The following CPQ variants were observed in gnomAD, a reference collection of about 807,000 sequenced individuals.
CPQ encodes the protein carboxypeptidase Q.
CPQ carries 37 observed loss-of-function variants against 45.7 expected under a neutral mutation model. The observed-to-expected ratio is 0.81, with a 90% confidence interval of 0.62 to 1.07. CPQ has a LOEUF of 1.07. Among genes scored for constraint, CPQ ranks in the 50% least tolerant of loss-of-function variants. CPQ has a pLI of 0.00. For synonymous variants in CPQ, 186 were observed against 205.8 expected (o/e 0.90, Z 0.82); for missense variants, 537 against 572.9 (o/e 0.94, Z 0.64).
At chr8:96,779,298 C>CT (rs1301724149) in intron 1 of CPQ, among the ~76,000 whole-genome samples, 2 of 151,698 alleles carry the variant, frequency 1.3e-5, no homozygotes, top group African/African-American at 2.4e-5. Context: ...TCCTTTTATT[C>CT]TTTTTTTTGT....
At chr8:96,794,939 G>A (rs1276925288) in intron 2 of CPQ, among the ~76,000 whole-genome samples, 1 of 152,110 alleles carries the variant, frequency 6.6e-6, no homozygotes, top group Admixed American at 6.6e-5. Context: ...ATTATTATGA[G>A]CATTTTGGTC....
chr8:96,772,143 A>G (rs2130799024), intron 1 of CPQ, among the ~76,000 whole-genome samples: 1 of 152,278 alleles, frequency 6.6e-6, no homozygotes, highest in South Asian at 2.1e-4. Context: ...ATATTGGAGA[A>G]GAGGAGGCTG....
intron 3 of CPQ, among the ~76,000 whole-genome samples, chr8:96,861,023 C>A (rs1006720942): frequency 6.6e-6 from 1 of 152,070 alleles, no homozygotes; most frequent in Non-Finnish European, 1.5e-5. Context: ...AGAAATAAAG[C>A]AATCTTTCTT....
chr8:97,087,890 C>A, intron 7 of CPQ, among the ~76,000 whole-genome samples: 1 of 152,160 alleles, frequency 6.6e-6, no homozygotes, highest in African/African-American at 2.4e-5. Context: ...ATTTACAGTA[C>A]TTGATCAAAT....
At chr8:96,936,685 A>G (rs922619561) in intron 4 of CPQ, among the ~76,000 whole-genome samples, 9 of 152,206 alleles carry the variant, frequency 5.9e-5, no homozygotes, top group African/African-American at 2.2e-4. Context: ...AAGTATATGA[A>G]AACATTTAGA....
At chr8:96,956,810 G>C (rs1221034467) in intron 4 of CPQ, among the ~76,000 whole-genome samples, 3 of 152,146 alleles carry the variant, frequency 2.0e-5, no homozygotes, top group East Asian at 3.9e-4. Context: ...ATGGAAATTT[G>C]GCTTGTTTCC....
intron 1 of CPQ, among the ~76,000 whole-genome samples, chr8:96,750,668 T>C (rs1440089876): frequency 2.6e-5 from 4 of 151,848 alleles, no homozygotes; most frequent in Non-Finnish European, 5.9e-5. Context: ...TAGTGCAGGA[T>C]GTACAGATTT....
intron 7 of CPQ, among the ~76,000 whole-genome samples, chr8:97,139,769 T>G (rs923543000): frequency 6.6e-6 from 1 of 152,080 alleles, no homozygotes; most frequent in Non-Finnish European, 1.5e-5. Context: ...TTACTGCTTA[T>G]GCTAGAGACA....
At chr8:96,884,534 CAAAG>C (rs923093145) in intron 4 of CPQ, among the ~76,000 whole-genome samples, 7 of 151,680 alleles carry the variant, frequency 4.6e-5, no homozygotes, top group Non-Finnish European at 5.9e-5. Flanking sequence ...GAAAAAAAGA[CAAAG>C]AGAGAGGGGA....
At chr8:97,107,514 A>T (rs1811423197) in intron 7 of CPQ, among the ~76,000 whole-genome samples, 1 of 152,262 alleles carries the variant, frequency 6.6e-6, no homozygotes, top group African/African-American at 2.4e-5. Flanking sequence ...TAAATCAGCA[A>T]GTCCACCCTA....
intron 5 of CPQ, among the ~76,000 whole-genome samples, chr8:97,010,292 C>G (rs546070719): frequency 3.4e-4 from 51 of 152,114 alleles, no homozygotes; most frequent in Admixed American, 2.2e-3. Context: ...TCAGGGTGGT[C>G]TAGTTGAAAA....
chr8:97,086,406 G>A (rs554886060), intron 7 of CPQ, among the ~76,000 whole-genome samples: 40 of 152,098 alleles, frequency 2.6e-4, no homozygotes, highest in South Asian at 2.1e-4. Context: ...TCTGTTTTAC[G>A]AATAAGAATT....
intron 1 of CPQ, among the ~76,000 whole-genome samples, chr8:96,655,384 A>G (rs898846952): frequency 6.6e-6 from 1 of 152,010 alleles, no homozygotes; most frequent in African/African-American, 2.4e-5. Flanking sequence ...CAATTAAGTC[A>G]TTGTATTCTT....
intron 1 of CPQ, 134 bp from the exon 2 acceptor site, chr8:96,784,730 C>T: frequency 1.6e-6 from 1 of 637,614 alleles, no homozygotes; most frequent in African/African-American, 1.8e-5. Flanking sequence ...GTAACAGTGC[C>T]TGAATTTGAT....
intron 1 of CPQ, among the ~76,000 whole-genome samples, chr8:96,784,399 TG>T (rs148121237): frequency 0.012 from 1,546 of 128,050 alleles, 23 homozygotes; most frequent in South Asian, 0.031. Flanking sequence ...TGTTCTGAGG[TG>T]GGGGGGGGGT....
Sources: gnomAD v4.1 joint callset for allele counts (sites outside exome capture counted in the v4.1 genomes callset) on GRCh38, gnomAD v4.1.1 for gene constraint, MANE v1.5 for transcripts, NCBI Gene and HGNC (gene_info 2026-07-23, HGNC 2026-07-21) for gene names.